The following GCNT2 variants were observed in gnomAD, a reference collection of about 807,000 sequenced individuals.
The protein encoded by GCNT2 is N-acetyllactosaminide beta-1,6-N-acetylglucosaminyl-transferase.
In GCNT2, 34 loss-of-function variants were observed where a neutral mutation model predicts 34.2. That is an observed-to-expected ratio of 1.00 (90% CI 0.76 to 1.32). GCNT2 has a LOEUF of 1.32. Among genes scored for constraint, GCNT2 ranks in the 40% most tolerant of loss-of-function variants. The pLI is 0.00. For missense variants in GCNT2, 584 were observed against 489.4 expected (o/e 1.19, Z -1.82); for synonymous variants, 212 against 188.0 (o/e 1.13, Z -1.04).
At chr6:10,583,644 G>C (rs999844361) in intron 3 of GCNT2, among the ~76,000 whole-genome samples, 7 of 152,178 alleles carry the variant, frequency 4.6e-5, no homozygotes, top group African/African-American at 1.4e-4. Context: ...GATACTTCCA[G>C]GAATTCTGCA....
chr6:10,580,615 TA>T (rs35767928), intron 3 of GCNT2, among the ~76,000 whole-genome samples: 2,728 of 143,692 alleles, frequency 0.019, 49 homozygotes, highest in Admixed American at 0.048. Context: ...AGCATTGCCT[TA>T]AAAAAAAAAA....
At chr6:10,607,139 G>T (rs1354182686) in intron 3 of GCNT2, among the ~76,000 whole-genome samples, 1 of 151,958 alleles carries the variant, frequency 6.6e-6, no homozygotes, top group Non-Finnish European at 1.5e-5. Context: ...GTAGAGACGG[G>T]GTTTCACCAT....
chr6:10,585,859 A>G, intron 3 of GCNT2: 3 of 1,520,646 alleles, frequency 2.0e-6, no homozygotes, highest in Non-Finnish European at 1.7e-6. Flanking sequence ...TAAAGGATTC[A>G]GGAAAGCAAG....
intron 3 of GCNT2, chr6:10,557,179 C>T: frequency 6.4e-7 from 1 of 1,550,734 alleles, no homozygotes; most frequent in Non-Finnish European, 8.7e-7. Context: ...AACCGCCTCC[C>T]CCCCATAATC....
intron 3 of GCNT2, among the ~76,000 whole-genome samples, chr6:10,600,195 G>C (rs1481468122): frequency 6.6e-6 from 1 of 152,014 alleles, no homozygotes; most frequent in Non-Finnish European, 1.5e-5. Context: ...TGAATATTTT[G>C]GTGTCTATAC....
At chr6:10,577,983 C>T (rs981132749) in intron 3 of GCNT2, among the ~76,000 whole-genome samples, 6 of 152,160 alleles carry the variant, frequency 3.9e-5, no homozygotes, top group Admixed American at 2.0e-4. Context: ...CACTGATTCA[C>T]CCAAAAGTGG....
chr6:10,609,582 T>G (rs936132767), intron 3 of GCNT2, among the ~76,000 whole-genome samples: 1 of 152,166 alleles, frequency 6.6e-6, no homozygotes, highest in African/African-American at 2.4e-5. Context: ...AAAGCTCTTA[T>G]GTGTTGTGGT....
intron 3 of GCNT2, among the ~76,000 whole-genome samples, chr6:10,543,159 C>T (rs951256080): frequency 6.6e-6 from 1 of 151,908 alleles, no homozygotes; most frequent in Non-Finnish European, 1.5e-5. Flanking sequence ...CCACCAGCCT[C>T]GGCCTCCCAA....
chr6:10,590,507 A>G (rs1222198702), intron 3 of GCNT2, among the ~76,000 whole-genome samples: 1 of 150,902 alleles, frequency 6.6e-6, no homozygotes, highest in Non-Finnish European at 1.5e-5. Flanking sequence ...TTGATGCCTC[A>G]TACTTTATGT....
intron 3 of GCNT2, chr6:10,581,889 A>C: frequency 4.1e-6 from 4 of 984,364 alleles, no homozygotes; most frequent in Non-Finnish European, 3.6e-6. Flanking sequence ...AGGCATCAAA[A>C]TGGGTTATTG....
chr6:10,592,599 C>T (rs1377931810), intron 3 of GCNT2, among the ~76,000 whole-genome samples: 1 of 152,218 alleles, frequency 6.6e-6, no homozygotes, highest in Non-Finnish European at 1.5e-5. Context: ...TTTCCAGCCA[C>T]TGGCTCCATT....
chr6:10,617,786 A>G (rs1208905401), intron 3 of GCNT2, among the ~76,000 whole-genome samples: 6 of 116,278 alleles, frequency 5.2e-5, no homozygotes, highest in Non-Finnish European at 9.8e-5. Flanking sequence ...ACAGGGTCTC[A>G]CTCTGTTGCC....
At chr6:10,603,615 A>C (rs1350088906) in intron 3 of GCNT2, among the ~76,000 whole-genome samples, 1 of 151,780 alleles carries the variant, frequency 6.6e-6, no homozygotes, top group African/African-American at 2.4e-5. Context: ...TCCTGGGTTC[A>C]AGTGATCGTT....
At chr6:10,569,649 T>G (rs1763449004) in intron 3 of GCNT2, among the ~76,000 whole-genome samples, 2 of 152,258 alleles carry the variant, frequency 1.3e-5, no homozygotes, top group African/African-American at 4.8e-5. Context: ...CCAGACAGGC[T>G]GTTCTTCAAC....
chr6:10,544,742 G>A (rs1244607422), intron 3 of GCNT2, among the ~76,000 whole-genome samples: 5 of 150,176 alleles, frequency 3.3e-5, no homozygotes, highest in Non-Finnish European at 7.4e-5. Context: ...TCAGGAGTTC[G>A]AGACCAGCCT....
intron 3 of GCNT2, among the ~76,000 whole-genome samples, chr6:10,546,923 A>G (rs1762299685): frequency 6.6e-6 from 1 of 152,172 alleles, no homozygotes; most frequent in African/African-American, 2.4e-5. Context: ...ACCCATCTGT[A>G]TATAAAAATA....
chr6:10,600,073 C>A (rs957339941), intron 3 of GCNT2, among the ~76,000 whole-genome samples: 2 of 152,180 alleles, frequency 1.3e-5, no homozygotes, highest in Non-Finnish European at 2.9e-5. Flanking sequence ...GCAGCTGAAC[C>A]TGGCCACAAA....
At position 10,529,146 on chromosome 6, in the gene GCNT2, G is replaced by C. The variant is rs181844199; in HGVS notation, c.235G>C (p.Val79Leu). ...TGAAGCTACCTGCTATGAGTACATG[G>C]TTCGAAGCCACTATGTAACAGAAAC... ...LDEATCYEYMVRSHYVTETLS... is the reference protein window; with the variant it reads ...LDEATCYEYMLRSHYVTETLS... The change falls in exon 3 of 5, where the codon GTT becomes CTT. Residue 79 changes from valine (V) to leucine (L), a missense_variant. Coordinates refer to ENST00000495262, the MANE Select transcript of GCNT2 (RefSeq NM_145649.5). 17 of 1,614,106 alleles carry C rather than the reference G, an allele frequency of 1.1e-5. No individual in the cohort carries two copies. The highest frequency in any genetic ancestry group is 1.7e-5 in the Admixed American group (1 of 60,018).
chr6:10,612,380 C>A (rs1003214252), intron 3 of GCNT2, among the ~76,000 whole-genome samples: 5 of 152,140 alleles, frequency 3.3e-5, no homozygotes, highest in Non-Finnish European at 7.4e-5. Flanking sequence ...AGATTTTGGT[C>A]TGTCACATCT....
Sources: allele counts gnomAD v4.1 joint callset (sites outside exome capture counted in the v4.1 genomes callset), GRCh38; gene constraint gnomAD v4.1.1; transcripts MANE v1.5; gene names NCBI Gene and HGNC (gene_info 2026-07-23, HGNC 2026-07-21).